The following SUMF1 variants were observed in gnomAD, a reference collection of about 807,000 sequenced individuals.
The protein encoded by SUMF1 is formylglycine-generating enzyme.
A neutral mutation model predicts 47.6 loss-of-function variants in SUMF1; 48 were observed. The observed-to-expected ratio is 1.01, with a 90% CI of 0.80 to 1.28. The LOEUF (loss-of-function observed/expected upper bound fraction) is 1.28, where lower values mean the gene tolerates loss of function less well. Ranked by LOEUF, SUMF1 falls within the 50% of genes most tolerant of loss-of-function variation. SUMF1 has a pLI of 0.00. For synonymous variants in SUMF1, 230 were observed against 192.1 expected, an observed-to-expected ratio of 1.20 and a Z score of -1.63; for missense variants, 571 against 485.4, an observed-to-expected ratio of 1.18 and a Z score of -1.66.
intron 8 of SUMF1, among the ~76,000 whole-genome samples, chr3:4,368,209 T>C (rs982079419): frequency 3.9e-5 from 6 of 152,150 alleles, no homozygotes; most frequent in African/African-American, 7.2e-5. Flanking sequence ...AAGAAGACAT[T>C]TGTGCAGCCA....
chr3:4,289,293 C>A (rs1418156523), intron 8 of SUMF1, among the ~76,000 whole-genome samples: 2 of 152,198 alleles, frequency 1.3e-5, no homozygotes, highest in Non-Finnish European at 2.9e-5. Context: ...ACTTACAAAG[C>A]TGACTCCAAA....
chr3:4,443,126 A>C (rs1461810177), intron 3 of SUMF1, among the ~76,000 whole-genome samples: 4 of 151,922 alleles, frequency 2.6e-5, no homozygotes, highest in African/African-American at 9.7e-5. Context: ...AAAATACAAA[A>C]CATTAGCCGG....
intron 8 of SUMF1, among the ~76,000 whole-genome samples, chr3:4,195,545 T>C (rs1052231415): frequency 2.6e-5 from 4 of 151,976 alleles, no homozygotes; most frequent in Admixed American, 1.3e-4. Context: ...AATGGGAAAA[T>C]GTAGAGAGAG....
chr3:4,374,471 A>G (rs571255730), intron 8 of SUMF1, among the ~76,000 whole-genome samples: 1 of 152,338 alleles, frequency 6.6e-6, no homozygotes, highest in East Asian at 1.9e-4. Flanking sequence ...TAAAAGTTAT[A>G]AAACATGAAA....
chr3:4,179,597 A>G (rs908835492), intron 8 of SUMF1, among the ~76,000 whole-genome samples: 2 of 152,196 alleles, frequency 1.3e-5, no homozygotes, highest in Non-Finnish European at 2.9e-5. Flanking sequence ...ACCCGAGAAG[A>G]AAACCTAGGC....
chr3:4,373,000 T>C (rs1320960043), intron 8 of SUMF1, among the ~76,000 whole-genome samples: 2 of 152,242 alleles, frequency 1.3e-5, no homozygotes, highest in Admixed American at 1.3e-4. Context: ...GTTCTGTCAA[T>C]CTGCTATTCT....
chr3:4,387,845 C>T (rs138165882), intron 7 of SUMF1, among the ~76,000 whole-genome samples: 3 of 152,070 alleles, frequency 2.0e-5, no homozygotes, highest in East Asian at 1.9e-4. Context: ...TATTTAGAAG[C>T]GTGTTTCATA....
intron 8 of SUMF1, among the ~76,000 whole-genome samples, chr3:4,260,024 TA>T (rs11342745): frequency 0.46 from 64,441 of 140,808 alleles, 14,112 homozygotes; most frequent in Non-Finnish European, 0.48. Context: ...AGAAAAAGGA[TA>T]AAAAAAAAAA....
intron 8 of SUMF1, among the ~76,000 whole-genome samples, chr3:4,370,145 TG>T (rs1700125797): frequency 6.6e-6 from 1 of 152,118 alleles, no homozygotes; most frequent in African/African-American, 2.4e-5. Flanking sequence ...GATAGGGTGG[TG>T]GTCTGGAAAG....
intron 8 of SUMF1, among the ~76,000 whole-genome samples, chr3:4,109,941 C>T (rs559233417): frequency 6.6e-5 from 10 of 152,244 alleles, no homozygotes; most frequent in Admixed American, 3.9e-4. Context: ...AGTCATTCTC[C>T]GTCCAGCTTT....
At chr3:4,177,097 T>G (rs149654463) in intron 8 of SUMF1, among the ~76,000 whole-genome samples, 5,090 of 152,100 alleles carry the variant, frequency 0.033, 301 homozygotes, top group African/African-American at 0.12. Flanking sequence ...ATGGGAGACT[T>G]TAATACCCCA....
chr3:4,338,238 C>A (rs751614913), intron 8 of SUMF1, among the ~76,000 whole-genome samples: 1 of 151,686 alleles, frequency 6.6e-6, no homozygotes, highest in Non-Finnish European at 1.5e-5. Context: ...TCACACCATG[C>A]ACTCCAGCCT....
intron 1 of SUMF1, among the ~76,000 whole-genome samples, chr3:4,462,361 TTACCTGA>T (rs1417927752): frequency 1.3e-4 from 20 of 152,148 alleles, no homozygotes; most frequent in Admixed American, 1.3e-3. Context: ...AGAAGGGACA[TTACCTGA>T]CAATGGAGCC....
rs535777542 is a variant in SUMF1 at position 4,126,571 on chromosome 3, T to C, written c.1015-57826A>G. Among the ~76,000 whole-genome samples, 14 of 152,184 alleles carry C rather than the reference T, an allele frequency of 9.2e-5. No individual in the cohort carries two copies. In the East Asian group the frequency reaches 2.7e-3, roughly 29 times the overall value. On this transcript the variant is annotated intron_variant and NMD_transcript_variant, in intron 8 of 12. Transcript: ENST00000448413. The stretch of plus-strand genomic sequence containing the variant: ...GACCTTTGATTGTTAGAAGCAGAAG[T>C]TCCCTTGAGCTAACTTCAGCAACAG...
chr3:4,231,806 G>A lies in SUMF1; in HGVS notation c.1014+144524C>T, dbSNP rs150126359. On this transcript the variant is annotated intron_variant and NMD_transcript_variant, in intron 8 of 12. Transcript: ENST00000448413. Reference sequence around the variant, plus strand: ...AAATATGTATGCTACATGGGTATCCGGAAAACAAAAATCATCCTACCTTTA... The same window carrying A: ...AAATATGTATGCTACATGGGTATCCAGAAAACAAAAATCATCCTACCTTTA... Among the ~76,000 whole-genome samples, 762 of 151,978 alleles carry A rather than the reference G, an allele frequency of 5.0e-3. 5 individuals are homozygous for A. The highest frequency in any genetic ancestry group is 7.3e-3 in the Non-Finnish European group (494 of 67,950).
chr3:4,263,644 T>C (rs1697132162), intron 8 of SUMF1, among the ~76,000 whole-genome samples: 1 of 152,166 alleles, frequency 6.6e-6, no homozygotes, highest in African/African-American at 2.4e-5. Context: ...CCTCAGACTA[T>C]TCTTTGCCTA....
At chr3:4,102,011 G>A (rs76265004) in intron 8 of SUMF1, among the ~76,000 whole-genome samples, 2,061 of 152,194 alleles carry the variant, frequency 0.014, 28 homozygotes, top group South Asian at 0.038. Context: ...CCGTAAAAAA[G>A]CATCAGATCT....
chr3:4,206,595 G>A lies in SUMF1; in HGVS notation c.1015-137850C>T, dbSNP rs147872578. On this transcript the variant is annotated intron_variant and NMD_transcript_variant, in intron 8 of 12. Transcript: ENST00000448413. ...CAGAAGATGTGGCAAGGGTGTTGGA[G>A]GCAATTCAAAACTGTATTTCCTACC... 3.0e-3 allele frequency among the ~76,000 whole-genome samples: 464 copies of A among 152,242 alleles called. 3 individuals carry two copies. Among genetic ancestry groups the A allele is most frequent in the African/African-American group, 0.01 (432 of 41,552 alleles).
intron 8 of SUMF1, among the ~76,000 whole-genome samples, chr3:4,166,067 G>C (rs1441534191): frequency 6.6e-6 from 1 of 152,074 alleles, no homozygotes; most frequent in Non-Finnish European, 1.5e-5. Flanking sequence ...GACCAATGAA[G>C]GTCAGATTTA....
Sources: allele counts gnomAD v4.1 joint callset (sites outside exome capture counted in the v4.1 genomes callset), GRCh38; gene constraint gnomAD v4.1.1; transcripts MANE v1.5; gene names NCBI Gene and HGNC (gene_info 2026-07-23, HGNC 2026-07-21).